Variants in ENAH observed in about 807,000 individuals in gnomAD.
ENAH encodes ENAH actin regulator, also known as protein enabled homolog.
Under a neutral mutation model 78.7 loss-of-function variants are expected in ENAH, and 23 were observed. The ratio of observed to expected loss-of-function variants is 0.29; its 90% CI spans 0.21 to 0.41. The LOEUF (loss-of-function observed/expected upper bound fraction) is 0.41. Ranked by LOEUF, ENAH falls within the 10% of genes least tolerant of loss-of-function variation. ENAH has a pLI of 1.00. For synonymous variants in ENAH, 226 were observed against 241.0 expected, an observed-to-expected ratio of 0.94 and a Z score of 0.58; for missense variants, 544 against 691.0, an observed-to-expected ratio of 0.79 and a Z score of 2.39.
rs2096224371 is a variant in ENAH at position 225,491,973 on chromosome 1, C to G, written c.*5802G>C. 6.6e-6 allele frequency: 1 copy of G among 152,068 alleles called. No individual in the cohort carries two copies. Among genetic ancestry groups the G allele is most frequent in the Non-Finnish European group, 1.5e-5 (1 of 68,030 alleles). The allele number at this position is 152,068 out of a possible 1,614,324, so 9.4% of individuals were successfully genotyped here. On this transcript the variant is annotated 3_prime_UTR_variant, in exon 14 of 14. Coordinates refer to ENST00000366843, the MANE Select transcript of ENAH (RefSeq NM_018212.6). ...ATTTACATGATAAACTATGGGTTGT[C>G]ATTTGTATATAGAACTTTTACGGAA...
intron 4 of ENAH, among the ~76,000 whole-genome samples, chr1:225,524,326 T>A (rs1053991880): frequency 6.6e-6 from 1 of 152,222 alleles, no homozygotes. Flanking sequence ...CAGCTTTACC[T>A]ATAATGAATA....
At chr1:225,634,315 T>C (rs1010969647) in intron 1 of ENAH, among the ~76,000 whole-genome samples, 3 of 152,252 alleles carry the variant, frequency 2.0e-5, no homozygotes, top group Non-Finnish European at 4.4e-5. Context: ...TTTTTTAAAA[T>C]GTGTAACTTA....
At chr1:225,600,189 G>A (rs1331724922) in intron 1 of ENAH, among the ~76,000 whole-genome samples, 1 of 152,036 alleles carries the variant, frequency 6.6e-6, no homozygotes, top group South Asian at 2.1e-4. Context: ...ACACAAAATG[G>A]ACTAACACTG....
rs976401801 is a variant in ENAH, at chr1:225,652,751, G to T, written c.-61C>A. Reference sequence around the variant, plus strand: ...GAGACGCAGAAGGCGCCGAGCCGAGGGGGGGGTCTCTCCTCCAGGGGTGGG... The same window carrying T: ...GAGACGCAGAAGGCGCCGAGCCGAGTGGGGGGTCTCTCCTCCAGGGGTGGG... On this transcript the variant is annotated 5_prime_UTR_variant, in exon 1 of 14. Transcript: ENST00000366843. The T allele has an allele frequency of 1.5e-5, 20 of 1,293,402 alleles. No individual in the cohort carries two copies. The highest frequency in any genetic ancestry group is 2.4e-5 in the South Asian group (1 of 42,092). The allele number at this position is 1,293,402 out of a possible 1,614,324, so 80.1% of individuals were successfully genotyped here.
intron 1 of ENAH, 30 bp from the exon 2 acceptor site, chr1:225,567,444 T>G (rs1307203358): frequency 6.3e-7 from 1 of 1,592,538 alleles, no homozygotes; most frequent in Non-Finnish European, 8.6e-7. Context: ...ATATTCAAAC[T>G]TGCAATATTT....
At chr1:225,521,990 T>C (rs1349729442) in intron 4 of ENAH, among the ~76,000 whole-genome samples, 2 of 151,926 alleles carry the variant, frequency 1.3e-5, no homozygotes, top group African/African-American at 4.8e-5. Context: ...AGAGACGGGG[T>C]TTCACAGTGT....
chr1:225,552,283 C>G (rs566811514), intron 3 of ENAH, among the ~76,000 whole-genome samples: 28 of 151,886 alleles, frequency 1.8e-4, no homozygotes, highest in Non-Finnish European at 2.2e-4. Flanking sequence ...ACTACAGGCG[C>G]CCGCCACCAC....
intron 1 of ENAH, among the ~76,000 whole-genome samples, chr1:225,624,758 A>G (rs1657636976): frequency 6.6e-6 from 1 of 152,192 alleles, no homozygotes; most frequent in African/African-American, 2.4e-5. Flanking sequence ...TGTGATCTCA[A>G]CACTGGACTC....
intron 1 of ENAH, among the ~76,000 whole-genome samples, chr1:225,648,650 G>C (rs543392397): frequency 2.0e-5 from 3 of 151,958 alleles, no homozygotes; most frequent in Admixed American, 2.0e-4. Context: ...CAACAGCTAC[G>C]AGTATAAATG....
chr1:225,528,169 C>T (rs1196268283), intron 4 of ENAH, among the ~76,000 whole-genome samples: 1 of 152,006 alleles, frequency 6.6e-6, no homozygotes, highest in Non-Finnish European at 1.5e-5. Context: ...TCAAATTAGC[C>T]CATAATGTTC....
chr1:225,555,159 T>C (rs2096659931), intron 2 of ENAH, 76 bp from the exon 3 acceptor site: 1 of 1,273,862 alleles, frequency 7.9e-7, no homozygotes, highest in Admixed American at 2.2e-5. Flanking sequence ...GCTGATTGTA[T>C]ATATTCATTC....
intron 11 of ENAH, among the ~76,000 whole-genome samples, chr1:225,504,053 C>A (rs1024540581): frequency 1.3e-4 from 19 of 151,134 alleles, no homozygotes; most frequent in Admixed American, 1.1e-3. Context: ...GTCACCCAGG[C>A]TAGGGTGCAG....
chr1:225,497,896 G>T (rs2096257803), intron 13 of ENAH, 84 bp from the exon 14 acceptor site: 22 of 1,236,756 alleles, frequency 1.8e-5, no homozygotes, highest in Non-Finnish European at 2.4e-5. Context: ...AAACTTTAAG[G>T]ATTGTGCTCA....
chr1:225,611,524 G>A (rs1161768773), intron 1 of ENAH, among the ~76,000 whole-genome samples: 1 of 152,062 alleles, frequency 6.6e-6, no homozygotes, highest in Non-Finnish European at 1.5e-5. Flanking sequence ...TCACTATGTT[G>A]GCCAGGCTGG....
At chr1:225,583,052 A>G (rs555294850) in intron 1 of ENAH, among the ~76,000 whole-genome samples, 1 of 152,318 alleles carries the variant, frequency 6.6e-6, no homozygotes, top group Non-Finnish European at 1.5e-5. Flanking sequence ...ATAAAACAAC[A>G]TCTTTAAAGA....
chr1:225,608,636 C>T (rs1455212947), intron 1 of ENAH, among the ~76,000 whole-genome samples: 1 of 151,222 alleles, frequency 6.6e-6, no homozygotes, highest in Non-Finnish European at 1.5e-5. Context: ...ATCAACATGG[C>T]GAAACCCCGT....
chr1:225,600,092 A>G (rs1053472535), intron 1 of ENAH, among the ~76,000 whole-genome samples: 1 of 152,158 alleles, frequency 6.6e-6, no homozygotes, highest in African/African-American at 2.4e-5. Context: ...TACTGGCACC[A>G]CACTTCCTAT....
chr1:225,575,192 A>AAT (rs1322908429), intron 1 of ENAH, among the ~76,000 whole-genome samples: 3 of 152,132 alleles, frequency 2.0e-5, no homozygotes, highest in African/African-American at 7.2e-5. Flanking sequence ...AGACTCCTAC[A>AAT]ATGCATCAGT....
At chr1:225,546,655 A>T (rs1189577358) in intron 3 of ENAH, among the ~76,000 whole-genome samples, 3 of 152,188 alleles carry the variant, frequency 2.0e-5, no homozygotes, top group African/African-American at 7.2e-5. Context: ...TGAGGCTTTG[A>T]GGTATAACAG....
Sources: gnomAD v4.1 joint callset for allele counts (sites outside exome capture counted in the v4.1 genomes callset) on GRCh38, gnomAD v4.1.1 for gene constraint, MANE v1.5 for transcripts, NCBI Gene and HGNC (gene_info 2026-07-23, HGNC 2026-07-21) for gene names.